ZNF626: variants seen among roughly 807,000 people sequenced by gnomAD.
The protein encoded by ZNF626 is zinc finger protein 626, also known as CTC-513N18.7.
A neutral mutation model predicts 11.7 loss-of-function variants in ZNF626; 4 were observed. That is an observed-to-expected ratio of 0.34 (90% CI 0.17 to 0.78). The LOEUF is 0.78. Ranked by LOEUF, ZNF626 falls within the 30% of genes least tolerant of loss-of-function variation. The probability of loss-of-function intolerance (pLI) is 0.57; values close to 1 mark genes in which losing one functional copy is unlikely to be tolerated. For missense variants in ZNF626, 588 were observed against 587.1 expected (o/e 1.00, Z -0.01); for synonymous variants, 179 against 198.6 (o/e 0.90, Z 0.83).
At chr19:20,648,082 G>C (rs1398684729) in intron 1 of ZNF626, among the ~76,000 whole-genome samples, 3 of 151,206 alleles carry the variant, frequency 2.0e-5, no homozygotes, top group Non-Finnish European at 4.4e-5. Context: ...AGCATGCTAA[G>C]GCAGAATTGC....
intron 3 of ZNF626, among the ~76,000 whole-genome samples, chr19:20,627,568 C>T (rs191348272): frequency 1.1e-3 from 162 of 151,898 alleles, no homozygotes; most frequent in Non-Finnish European, 1.5e-3. Context: ...AATAAAATAA[C>T]ATTAGTAAGT....
intron 1 of ZNF626, among the ~76,000 whole-genome samples, chr19:20,648,377 CTTCT>C (rs1374385870): frequency 3.6e-5 from 2 of 54,798 alleles, no homozygotes; most frequent in African/African-American, 1.7e-4. Flanking sequence ...TCTTCTTCTT[CTTCT>C]TTTTTTTTTT....
At chr19:20,644,140 G>C (rs746662551) in intron 3 of ZNF626, among the ~76,000 whole-genome samples, 8 of 152,074 alleles carry the variant, frequency 5.3e-5, no homozygotes, top group Non-Finnish European at 1.2e-4. Flanking sequence ...CTTTACCATG[G>C]TCCCTGAAAC....
At chr19:20,638,491 T>TG (rs1555771132) in intron 3 of ZNF626, among the ~76,000 whole-genome samples, 1 of 150,870 alleles carries the variant, frequency 6.6e-6, no homozygotes, top group East Asian at 1.9e-4. Flanking sequence ...AAAGCCTGAG[T>TG]GGTTTTTTTA....
intron 3 of ZNF626, among the ~76,000 whole-genome samples, chr19:20,631,345 C>T (rs879229926): frequency 1.6e-4 from 24 of 152,062 alleles, no homozygotes; most frequent in Admixed American, 6.6e-4. Flanking sequence ...CTTTCTGTCT[C>T]GTTGATCTGT....
chr19:20,643,087 T>C (rs562291074), intron 3 of ZNF626, among the ~76,000 whole-genome samples: 1 of 152,330 alleles, frequency 6.6e-6, no homozygotes, highest in Admixed American at 6.5e-5. Flanking sequence ...TACAGGTATT[T>C]TGAATCATTG....
At chr19:20,633,426 G>A (rs1969930799) in intron 3 of ZNF626, among the ~76,000 whole-genome samples, 1 of 152,226 alleles carries the variant, frequency 6.6e-6, no homozygotes, top group African/African-American at 2.4e-5. Context: ...GCTGTGGTGG[G>A]CTCCACCCAG....
chr19:20,633,907 C>G (rs918201271), intron 3 of ZNF626, among the ~76,000 whole-genome samples: 6 of 152,210 alleles, frequency 3.9e-5, no homozygotes, highest in Admixed American at 1.3e-4. Flanking sequence ...TTGACCAGAG[C>G]TGTTCCTATT....
chr19:20,630,927 C>G (rs1182132075), intron 3 of ZNF626, among the ~76,000 whole-genome samples: 1 of 151,602 alleles, frequency 6.6e-6, no homozygotes, highest in Non-Finnish European at 1.5e-5. Context: ...ATAAATTTCC[C>G]TCTACACACT....
At chr19:20,626,563 CA>C (rs1181951144) in intron 3 of ZNF626, among the ~76,000 whole-genome samples, 2 of 151,904 alleles carry the variant, frequency 1.3e-5, no homozygotes, top group Non-Finnish European at 2.9e-5. Flanking sequence ...ACTAAAAATA[CA>C]AAAACTAGCT....
At chr19:20,632,433 T>G (rs924320831) in intron 3 of ZNF626, among the ~76,000 whole-genome samples, 2 of 152,204 alleles carry the variant, frequency 1.3e-5, no homozygotes, top group Non-Finnish European at 2.9e-5. Context: ...ACCAATCAGA[T>G]GTAGATTTGG....
At chr19:20,637,462 A>C (rs1448877589) in intron 3 of ZNF626, among the ~76,000 whole-genome samples, 1 of 148,920 alleles carries the variant, frequency 6.7e-6, no homozygotes, top group Non-Finnish European at 1.5e-5. Context: ...TCCTGCCTGG[A>C]CAACAGAGTG....
At chr19:20,648,785 A>G (rs1970113568) in intron 1 of ZNF626, among the ~76,000 whole-genome samples, 1 of 152,228 alleles carries the variant, frequency 6.6e-6, no homozygotes, top group African/African-American at 2.4e-5. Context: ...CCCAATAGAA[A>G]TCTTGAGTAT....
chr19:20,646,520 A>G lies in ZNF626; in HGVS notation c.4-115T>C, dbSNP rs73928821. ...CTGGTTCTGACTTATAGGACTGACT[A>G]AAATTATCCAATAAAATGATTTCAA... On this transcript the variant is annotated intron_variant, in intron 1 of 3. Transcript: ENST00000601440. 5.5e-4 allele frequency: 840 copies of G among 1,533,218 alleles called. 5 individuals carry two copies. The African/African-American group carries it at 0.011, about 19-fold the overall frequency. The allele number at this position is 1,533,218 out of a possible 1,614,324, so 95.0% of individuals were successfully genotyped here.
intron 1 of ZNF626, among the ~76,000 whole-genome samples, chr19:20,660,574 G>T (rs1204607711): frequency 6.6e-6 from 1 of 152,098 alleles, no homozygotes; most frequent in East Asian, 1.9e-4. Flanking sequence ...CTACAGGCAC[G>T]TGCCAACACG....
At chr19:20,660,364 G>A (rs1186666942) in intron 1 of ZNF626, among the ~76,000 whole-genome samples, 2 of 151,500 alleles carry the variant, frequency 1.3e-5, no homozygotes, top group African/African-American at 4.9e-5. Flanking sequence ...TTGAAACTAA[G>A]TGTTAGAAAC....
At position 20,637,018 on chromosome 19, in the gene ZNF626, C is replaced by CAA. The variant is rs74172354; in HGVS notation, c.226+8664_226+8665dup. On this transcript the variant is annotated intron_variant, in intron 3 of 3. Coordinates refer to ENST00000601440, the MANE Select transcript of ZNF626 (RefSeq NM_001076675.3). ...CCTGTGACAGAGAAAGACTCCATCTCAAAAAAAAAAAAAAAAAAAAGGCCC... is the reference window on the plus strand; with the variant it reads ...CCTGTGACAGAGAAAGACTCCATCTCAAAAAAAAAAAAAAAAAAAAAAGGCCC... Among the ~76,000 whole-genome samples, 335 of 58,718 alleles carry CAA rather than the reference C, an allele frequency of 5.7e-3. 17 individuals carry two copies. Among genetic ancestry groups the CAA allele is most frequent in the African/African-American group, 0.013 (203 of 15,448 alleles). The allele number at this position is 58,718 out of a possible 152,430, so 38.5% of individuals were successfully genotyped here. A position where few individuals can be genotyped will look rare whatever the true frequency, so the allele number is the denominator to read the frequency against.
At chr19:20,631,819 G>T (rs1370277453) in intron 3 of ZNF626, among the ~76,000 whole-genome samples, 3 of 151,668 alleles carry the variant, frequency 2.0e-5, no homozygotes, top group Non-Finnish European at 4.4e-5. Context: ...GTGTGAATTT[G>T]ATCCTGTCAT....
chr19:20,645,696 C>T lies in ZNF626; in HGVS notation c.214G>A (p.Ala72Thr), dbSNP rs1970069103. ...CACTCACACCTACCTGAGGGTTTGGCTATCATCTCATTTCTCTTCATGGTC... is the reference window on the plus strand; with the variant it reads ...CACTCACACCTACCTGAGGGTTTGGTTATCATCTCATTTCTCTTCATGGTC... ...PLTMKRNEMIAKPSVMCSHFA... is the reference protein window; with the variant it reads ...PLTMKRNEMITKPSVMCSHFA... Residue 72 changes from alanine (A) to threonine (T), a missense_variant, in exon 3 of 4, where the codon GCC (alanine) becomes ACC (threonine). By Grantham distance (58) the Ala-to-Thr change is moderately conservative. Around this residue, in one of 4 missense-constraint regions of ZNF626, gnomAD observed 524 missense variants for 470.1 expected, o/e 1.11. Coordinates refer to ENST00000601440, the MANE Select transcript of ZNF626 (RefSeq NM_001076675.3). 2 of 1,611,490 alleles carry T rather than the reference C, an allele frequency of 1.2e-6. No homozygotes were observed. Among genetic ancestry groups the T allele is most frequent in the South Asian group, 1.1e-5 (1 of 90,494 alleles).
Sources: allele counts gnomAD v4.1 joint callset (sites outside exome capture counted in the v4.1 genomes callset), GRCh38; gene constraint gnomAD v4.1.1; regional missense constraint gnomAD v4.1.1; transcripts MANE v1.5; gene names NCBI Gene and HGNC (gene_info 2026-07-23, HGNC 2026-07-21).